The following NWD1 variants were observed in gnomAD, a reference collection of about 807,000 sequenced individuals.
NWD1 encodes NACHT domain- and WD repeat-containing protein 1.
In NWD1, 129 loss-of-function variants were observed where a neutral mutation model predicts 135.1. That is an observed-to-expected ratio of 0.96 (90% CI 0.83 to 1.11). The LOEUF (loss-of-function observed/expected upper bound fraction) is 1.11. Ranked by LOEUF, NWD1 falls within the 50% of genes least tolerant of loss-of-function variation. The pLI, the probability that NWD1 is intolerant of heterozygous loss-of-function variation, is 0.00. For synonymous variants in NWD1, 773 were observed against 786.0 expected (o/e 0.98, Z 0.28); for missense variants, 1,740 against 1,851.3 (o/e 0.94, Z 1.10).
chr19:16,788,232 AAATAATAATAATAATAATAATAAT>A lies in NWD1; in HGVS notation c.2732-720_2732-697del, dbSNP rs200511332. On this transcript the variant is annotated intron_variant, in intron 12 of 18. Transcript: ENST00000524140. ...GCAACAAGAGCAAAACTTCATCTCA[AAATAATAATAATAATAATAATAAT>A]AATAATAATAATAATAATAATAATA... 4.7e-4 allele frequency among the ~76,000 whole-genome samples: 54 copies of A among 115,424 alleles called. 1 individual carries two copies. Among genetic ancestry groups the A allele is most frequent in the African/African-American group, 1.4e-3 (41 of 29,840 alleles). 75.7% of individuals were successfully genotyped at this position (115,424 alleles called of 152,430 possible). A position where few individuals can be genotyped will look rare whatever the true frequency, so the allele number is the denominator to read the frequency against.
chr19:16,750,333 A>G lies in NWD1; in HGVS notation c.1691A>G (p.His564Arg), dbSNP rs756605287. Reference protein sequence around the residue: ...PLATTAEEATHQLCTRLEQTH... With the variant: ...PLATTAEEATRQLCTRLEQTH... ...GCCACCACCGCAGAGGAAGCCACGC[A>G]CCAACTCTGCACCCGCCTGGAGCAG... Residue 564 changes from histidine to arginine, a missense_variant, in exon 6 of 19, where the codon CAC becomes CGC. Transcript: ENST00000524140. 6.8e-6 allele frequency: 11 copies of G among 1,612,914 alleles called. No individual in the cohort carries two copies. Among genetic ancestry groups the G allele is most frequent in the African/African-American group, 5.3e-5 (4 of 74,896 alleles).
chr19:16,722,750 A>G (rs1967185745), intron 1 of NWD1, among the ~76,000 whole-genome samples: 1 of 151,848 alleles, frequency 6.6e-6, no homozygotes, highest in Non-Finnish European at 1.5e-5. Context: ...CTCACACTAG[A>G]TACTAACAAC....
At chr19:16,744,232 T>G (rs1968205658) in intron 4 of NWD1, among the ~76,000 whole-genome samples, 189 bp from the exon 5 acceptor site, 1 of 151,628 alleles carries the variant, frequency 6.6e-6, no homozygotes, top group African/African-American at 2.4e-5. Flanking sequence ...GTACCGAAAA[T>G]AAAAACTTAA....
intron 18 of NWD1, among the ~76,000 whole-genome samples, chr19:16,813,740 G>A (rs565480764): frequency 6.6e-6 from 1 of 150,834 alleles, no homozygotes; most frequent in Non-Finnish European, 1.5e-5. Flanking sequence ...GCCTCCCAAA[G>A]TGCTGGGATT....
At position 16,735,239 on chromosome 19, in the gene NWD1, C is replaced by T. The variant is rs940443314; in HGVS notation, c.82-1395C>T. ...AACTTTGAGGACAGGTGCAGTAGCT[C>T]GTGCCTGTAATCCTAACATTTTGGG... On this transcript the variant is annotated intron_variant, in intron 3 of 18. Coordinates refer to ENST00000524140, the MANE Select transcript of NWD1 (RefSeq NM_001007525.5). 2.6e-5 allele frequency among the ~76,000 whole-genome samples: 4 copies of T among 152,068 alleles called. No homozygotes were observed. In the South Asian group the frequency reaches 6.2e-4, roughly 24 times the overall value.
intron 3 of NWD1, 94 bp from the exon 4 acceptor site, chr19:16,736,540 T>G: frequency 1.2e-6 from 1 of 839,262 alleles, no homozygotes; most frequent in Non-Finnish European, 1.9e-6. Flanking sequence ...GTCAAAAATT[T>G]TTGAAAGAAA....
intron 9 of NWD1, among the ~76,000 whole-genome samples, 166 bp from the exon 10 acceptor site, chr19:16,764,868 C>T (rs952618588): frequency 6.6e-6 from 1 of 152,150 alleles, no homozygotes; most frequent in Non-Finnish European, 1.5e-5. Flanking sequence ...CTTTACATCC[C>T]ACAATGCATA....
rs1967547993 is a variant in NWD1 at position 16,731,226 on chromosome 19, T to G, written c.29T>G (p.Leu10Arg). MQRGKPCRALPTLKCQTFCQ... is the reference protein window; with the variant it reads MQRGKPCRARPTLKCQTFCQ... ...CAGAGAGGGAAGCCCTGCAGAGCAC[T>G]GCCTACCCTGAAGTGCCAGACCTTC... The change falls in exon 3 of 19, where the codon CTG becomes CGG. Residue 10 changes from leucine (L) to arginine (R), a missense_variant. Leu to Arg is a moderately radical substitution (Grantham distance 102). Transcript: ENST00000524140. 6.5e-7 allele frequency: 1 copy of G among 1,534,662 alleles called. No individual in the cohort carries two copies. The highest frequency in any genetic ancestry group is 1.2e-5 in the South Asian group (1 of 84,026).
intron 5 of NWD1, 139 bp from the exon 6 acceptor site, chr19:16,749,000 C>CA: frequency 1.5e-6 from 1 of 671,588 alleles, no homozygotes; most frequent in Non-Finnish European, 2.5e-6. Context: ...TTTCGAGACC[C>CA]CCAGGTCAGA....
chr19:16,764,413 A>G (rs1969142556), intron 9 of NWD1, among the ~76,000 whole-genome samples: 1 of 149,646 alleles, frequency 6.7e-6, no homozygotes, highest in Non-Finnish European at 1.5e-5. Flanking sequence ...CTAACTATCC[A>G]TTTATCCACC....
At position 16,736,704 on chromosome 19, in the gene NWD1, AG is replaced by A; in HGVS notation, c.154del (p.Glu52ArgfsTer10). ...TDHLTTELCL[E>X]EVDRCWKTSI... is the part of the protein sequence containing the mutation. ...CACTTGACCACAGAACTCTGCTTGGAGGAGGTTGACCGGTGTTGGAAAACAT... is the reference window on the plus strand; with the variant it reads ...CACTTGACCACAGAACTCTGCTTGGAGAGGTTGACCGGTGTTGGAAAACAT... On this transcript the variant is annotated frameshift_variant, in exon 4 of 19. Coordinates refer to ENST00000524140, the MANE Select transcript of NWD1 (RefSeq NM_001007525.5). LOFTEE classifies it high-confidence loss of function. 1.3e-6 allele frequency: 2 copies of A among 1,536,322 alleles called. No individual in the cohort carries two copies. The highest frequency in any genetic ancestry group is 1.7e-6 in the Non-Finnish European group (2 of 1,146,880).
chr19:16,752,859 C>T (rs1372069008), intron 6 of NWD1, among the ~76,000 whole-genome samples: 3 of 151,886 alleles, frequency 2.0e-5, no homozygotes, highest in Non-Finnish European at 4.4e-5. Flanking sequence ...ATTAGCTGGG[C>T]GTGGTGGCTC....
At chr19:16,746,778 G>T (rs1347050525) in intron 5 of NWD1, among the ~76,000 whole-genome samples, 2 of 151,912 alleles carry the variant, frequency 1.3e-5, no homozygotes, top group Non-Finnish European at 2.9e-5. Context: ...CTAGAGAAAA[G>T]AAAATGTTAT....
chr19:16,809,074 ACT>A (rs1047564207), intron 18 of NWD1, among the ~76,000 whole-genome samples: 5 of 151,586 alleles, frequency 3.3e-5, no homozygotes, highest in African/African-American at 1.2e-4. Context: ...AAAAACAAAA[ACT>A]CAGCAATGAA....
chr19:16,779,352 C>A lies in NWD1; in HGVS notation c.2618C>A (p.Ala873Asp), dbSNP rs368633239. ...CTCTGTGTGGCTGCAGGCATCACCG[C>A]CATGGCATGGGGTGTGGAGGAGAAG... ...TLSGCHKGITAMAWGVEEKLL... is the reference protein window; with the variant it reads ...TLSGCHKGITDMAWGVEEKLL... Residue 873 changes from alanine (A) to aspartate (D), a missense_variant, in exon 12 of 19, where the codon GCC becomes GAC. Physicochemically the swap from Ala to Asp is moderately radical, Grantham distance 126. Coordinates refer to ENST00000524140, the MANE Select transcript of NWD1 (RefSeq NM_001007525.5). The A allele has an allele frequency of 5.0e-6, 8 of 1,613,802 alleles. No individual in the cohort carries two copies. The African/African-American group carries it at 1.1e-4, about 22-fold the overall frequency.
rs1006439226 is a variant in NWD1, at chr19:16,773,084, G to A, written c.2411-42G>A. ...ACTCAATTGGCAGGGAGGGTAGAGG[G>A]GGCTCAATCCAGGCAACTTAGTCTA... On this transcript the variant is annotated intron_variant, in intron 10 of 18. Coordinates refer to ENST00000524140, the MANE Select transcript of NWD1 (RefSeq NM_001007525.5). 5 of 1,561,964 alleles carry A rather than the reference G, an allele frequency of 3.2e-6. No individual in the cohort carries two copies. The African/African-American group carries it at 6.8e-5, about 21-fold the overall frequency.
At chr19:16,794,039 G>T (rs1342441732) in intron 14 of NWD1, among the ~76,000 whole-genome samples, 1 of 152,138 alleles carries the variant, frequency 6.6e-6, no homozygotes, top group African/African-American at 2.4e-5. Flanking sequence ...GACCACAGGG[G>T]TGTACCACCA....
At position 16,806,783 on chromosome 19, in the gene NWD1, G is replaced by A. The variant is rs571959050; in HGVS notation, c.3737-803G>A. On this transcript the variant is annotated intron_variant, in intron 17 of 18. Transcript: ENST00000524140. ...TAATCCCAGCATTTTGGGAGGCCGA[G>A]GCGGGCGGATCACTTGAGGTCAGGA... Among the ~76,000 whole-genome samples, 14 of 152,096 alleles carry A rather than the reference G, an allele frequency of 9.2e-5. No individual in the cohort carries two copies. The East Asian group carries it at 2.7e-3, about 29-fold the overall frequency.
chr19:16,755,675 A>G (rs1968764361), intron 6 of NWD1, among the ~76,000 whole-genome samples: 2 of 134,310 alleles, frequency 1.5e-5, no homozygotes, highest in Admixed American at 7.9e-5. Flanking sequence ...GGAATGAGCC[A>G]CCACATCCAG....
Sources: gnomAD v4.1 joint callset for allele counts (sites outside exome capture counted in the v4.1 genomes callset) on GRCh38, gnomAD v4.1.1 for gene constraint, MANE v1.5 for transcripts, NCBI Gene and HGNC (gene_info 2026-07-23, HGNC 2026-07-21) for gene names.